Variants in LPCAT1 observed in about 807,000 individuals in gnomAD.
LPCAT1 encodes the protein lysophosphatidylcholine acyltransferase 1, also known as 1-acylglycerol-3-phosphate O-acyltransferase.
A neutral mutation model predicts 60.9 loss-of-function variants in LPCAT1; 23 were observed. That is an observed-to-expected ratio of 0.38 (90% CI 0.27 to 0.53). LPCAT1 has a LOEUF of 0.53. LPCAT1 is among the 20% of genes least tolerant of loss of function. The pLI is 0.82. For synonymous variants in LPCAT1, 340 were observed against 301.1 expected (o/e 1.13, Z -1.34); for missense variants, 622 against 723.6 (o/e 0.86, Z 1.61).
At position 1,487,301 on chromosome 5, in the gene LPCAT1, C is replaced by A. The variant is rs900740261; in HGVS notation, c.667+1090G>T. 6.6e-6 allele frequency among the ~76,000 whole-genome samples: 1 copy of A among 152,228 alleles called. No homozygotes were observed. The highest frequency in any genetic ancestry group is 1.9e-4 in the East Asian group (1 of 5,192). On this transcript the variant is annotated intron_variant, in intron 5 of 13. Coordinates refer to ENST00000283415, the MANE Select transcript of LPCAT1 (RefSeq NM_024830.5). The surrounding 1 kb of genome is among the most constrained non-coding windows in gnomAD (Gnocchi z 6.1). ...GTGGGGGCACACGGATTCGTGGTCA[C>A]CGCGTGCCGCCTCCACCCTCTGCAT... is the stretch of plus-strand genomic sequence containing the variant.
At chr5:1,484,091 A>G (rs1434496120) in intron 5 of LPCAT1, among the ~76,000 whole-genome samples, 1 of 152,220 alleles carries the variant, frequency 6.6e-6, no homozygotes, top group African/African-American at 2.4e-5. Flanking sequence ...CTCAGCTCCA[A>G]GGACGGGCGG....
rs1736677204 is a variant in LPCAT1 at position 1,521,555 on chromosome 5, G to C, written c.135+2155C>G. The C allele has an allele frequency of 1.2e-6, 1 of 846,430 alleles. No individual in the cohort carries two copies. The highest frequency in any genetic ancestry group is 1.8e-5 in the African/African-American group (1 of 54,292). 52.4% of individuals were successfully genotyped at this position (846,430 alleles called of 1,614,324 possible). On this transcript the variant is annotated intron_variant, in intron 1 of 13. Transcript: ENST00000283415. This position sits in a 1 kb window ranked among gnomAD's most constrained non-coding sequence, Gnocchi z 4.3. ...TGGTGAAAAGCAAAATGTTTCTGCA[G>C]AGAACTTTGAGAACGTTTACAAACT...
At chr5:1,479,086 T>C (rs1002937988) in intron 8 of LPCAT1, among the ~76,000 whole-genome samples, 6 of 152,238 alleles carry the variant, frequency 3.9e-5, no homozygotes, top group South Asian at 2.1e-4. Flanking sequence ...CCCATAATAA[T>C]GAATGGTAGG....
At chr5:1,511,088 C>T (rs762517071) in intron 1 of LPCAT1, among the ~76,000 whole-genome samples, 4 of 152,196 alleles carry the variant, frequency 2.6e-5, no homozygotes, top group East Asian at 1.9e-4. Context: ...GCCCCTAAGA[C>T]GGCACTGAAG....
chr5:1,463,978 C>T, intron 13 of LPCAT1, 143 bp from the exon 14 acceptor site: 1 of 842,944 alleles, frequency 1.2e-6, no homozygotes, highest in South Asian at 1.7e-5. Context: ...CGGATGCTTT[C>T]AGGGTGGAGA....
chr5:1,470,201 C>G (rs2126487101), intron 12 of LPCAT1, among the ~76,000 whole-genome samples: 1 of 152,366 alleles, frequency 6.6e-6, no homozygotes, highest in African/African-American at 2.4e-5. Context: ...AGCTCTATCC[C>G]AGATGAAATC....
intron 1 of LPCAT1, 28 bp from the exon 2 acceptor site, chr5:1,501,631 A>G (rs888904099): frequency 5.6e-6 from 9 of 1,612,186 alleles, no homozygotes; most frequent in South Asian, 3.3e-5. Context: ...CATTATCCAG[A>G]GAATCCATGT....
In LPCAT1 at chr5:1,481,952, A is replaced by C. The variant is rs945993242; in HGVS notation, c.727-976T>G. On this transcript the variant is annotated intron_variant, in intron 6 of 13. Transcript: ENST00000283415. The surrounding 1 kb of genome is among the most constrained non-coding windows in gnomAD (Gnocchi z 7.8). Reference sequence around the variant, plus strand: ...CGGATGGCCCAGAACCCTGGCACCCAGAGGTCACCTGTATTTCTGCCCCAC... The same window carrying C: ...CGGATGGCCCAGAACCCTGGCACCCCGAGGTCACCTGTATTTCTGCCCCAC... Among the ~76,000 whole-genome samples, 1 of 152,242 alleles carries C rather than the reference A, an allele frequency of 6.6e-6. No homozygotes were observed. The highest frequency in any genetic ancestry group is 2.4e-5 in the African/African-American group (1 of 41,474).
At position 1,477,587 on chromosome 5, in the gene LPCAT1, G is replaced by T; in HGVS notation, c.817-101C>A. 1 of 844,504 alleles carries T rather than the reference G, an allele frequency of 1.2e-6. No individual in the cohort carries two copies. Among genetic ancestry groups the T allele is most frequent in the Non-Finnish European group, 1.9e-6 (1 of 521,592 alleles). The allele number at this position is 844,504 out of a possible 1,614,324, so 52.3% of individuals were successfully genotyped here. On this transcript the variant is annotated intron_variant, in intron 8 of 13. Transcript: ENST00000283415. This position sits in a 1 kb window ranked among gnomAD's most constrained non-coding sequence, Gnocchi z 6.0. ...GCTGACAAAATTAAGATCTGTCAAA[G>T]TAACGCCCATTAGAACCGTCTTCAA...
chr5:1,474,028 C>A lies in LPCAT1; in HGVS notation c.1108G>T (p.Ala370Ser). Residue 370 changes from alanine (A) to serine (S), a missense_variant, in exon 11 of 14, where the codon GCG (alanine) becomes TCG (serine). Physicochemically the swap from Ala to Ser is moderately conservative, Grantham distance 99. This residue lies in a region of LPCAT1 where 288 missense variants were observed against 283.6 expected (regional missense o/e 1.02). Transcript: ENST00000283415. ...RMKGGEKIGI[A>S]EFAASLEVPV... is the part of the protein sequence containing the mutation. ...ACTTCCAGGGAGGCGGCAAACTCCGCAATACCTATCTTCTCTCCTCCCTTC... is the reference window on the plus strand; with the variant it reads ...ACTTCCAGGGAGGCGGCAAACTCCGAAATACCTATCTTCTCTCCTCCCTTC... 6.2e-7 allele frequency: 1 copy of A among 1,614,214 alleles called. No homozygotes were observed. The highest frequency in any genetic ancestry group is 8.5e-7 in the Non-Finnish European group (1 of 1,180,042).
At chr5:1,506,619 T>C (rs1350743102) in intron 1 of LPCAT1, among the ~76,000 whole-genome samples, 1 of 152,186 alleles carries the variant, frequency 6.6e-6, no homozygotes, top group Non-Finnish European at 1.5e-5. Flanking sequence ...CCCTCAGCAC[T>C]GGCAGGGGTG....
chr5:1,499,842 G>A (rs559709748), intron 2 of LPCAT1, among the ~76,000 whole-genome samples: 2 of 152,252 alleles, frequency 1.3e-5, no homozygotes, highest in African/African-American at 4.8e-5. Context: ...GTGGCCCTGG[G>A]TATCAAGGAG....
rs370010205 is a variant in LPCAT1, at chr5:1,502,069, T to C, written c.136-466A>G. 6.6e-6 allele frequency among the ~76,000 whole-genome samples: 1 copy of C among 152,240 alleles called. No homozygotes were observed. ...TGCCGACCAGCCCTCACCATGGCTG[T>C]GGACACTGGCCAGTGCTAACTGACA... On this transcript the variant is annotated intron_variant, in intron 1 of 13. Transcript: ENST00000283415. The surrounding 1 kb of genome is among the most constrained non-coding windows in gnomAD (Gnocchi z 5.5).
rs1001696995 is a variant in LPCAT1, at chr5:1,476,637, C to T, written c.899+767G>A. Reference sequence around the variant, plus strand: ...AGTGGCTCCTGCAGCTCAGGTCTGGCAGCCGCCCGGTGGAGGGGAGGCTCT... The same window carrying T: ...AGTGGCTCCTGCAGCTCAGGTCTGGTAGCCGCCCGGTGGAGGGGAGGCTCT... On this transcript the variant is annotated intron_variant, in intron 9 of 13. Transcript: ENST00000283415. This position sits in a 1 kb window ranked among gnomAD's most constrained non-coding sequence, Gnocchi z 8.6. Among the ~76,000 whole-genome samples the T allele has an allele frequency of 6.6e-6, 1 of 152,132 alleles. No homozygotes were observed. The highest frequency in any genetic ancestry group is 2.4e-5 in the African/African-American group (1 of 41,452).
At position 1,483,397 on chromosome 5, in the gene LPCAT1, T is replaced by TCCG; in HGVS notation, c.726+30_726+31insCGG. The TCCG allele has an allele frequency of 6.2e-7, 1 of 1,611,672 alleles. No homozygotes were observed. Among genetic ancestry groups the TCCG allele is most frequent in the Non-Finnish European group, 8.5e-7 (1 of 1,178,296 alleles). On this transcript the variant is annotated intron_variant, in intron 6 of 13. Transcript: ENST00000283415. The surrounding 1 kb of genome is among the most constrained non-coding windows in gnomAD (Gnocchi z 9.2). ...GTTCCCGTTTCCCGGAGAATTCCCC[T>TCCG]GGAAGCTGACCCCAAAAAAACACAA...
chr5:1,471,181 A>G (rs1191712481), intron 11 of LPCAT1, among the ~76,000 whole-genome samples: 1 of 152,210 alleles, frequency 6.6e-6, no homozygotes, highest in Non-Finnish European at 1.5e-5. Flanking sequence ...CACCTCAGCA[A>G]AGCACACGCG....
rs1736070680 is a variant in LPCAT1, at chr5:1,502,943, C to T, written c.136-1340G>A. Among the ~76,000 whole-genome samples, 1 of 152,126 alleles carries T rather than the reference C, an allele frequency of 6.6e-6. No homozygotes were observed. Among genetic ancestry groups the T allele is most frequent in the Non-Finnish European group, 1.5e-5 (1 of 68,020 alleles). ...ACAATTTAATATACAGCTCATTTCGCCCGGTATATCTGAAATACCATTTCG... is the reference window on the plus strand; with the variant it reads ...ACAATTTAATATACAGCTCATTTCGTCCGGTATATCTGAAATACCATTTCG... On this transcript the variant is annotated intron_variant, in intron 1 of 13. Transcript: ENST00000283415. The surrounding 1 kb of genome is among the most constrained non-coding windows in gnomAD (Gnocchi z 5.5).
Position 1,481,046 on chromosome 5 carries a change from T to G in LPCAT1, c.727-70A>C, listed in dbSNP as rs1318583131. On this transcript the variant is annotated intron_variant, in intron 6 of 13. Transcript: ENST00000283415. This position sits in a 1 kb window ranked among gnomAD's most constrained non-coding sequence, Gnocchi z 7.8. ...AGGGCCTGCACCAAGCACCTGCGTGTGCCGGCCTCTCCCTGCACCTCCCAC... is the reference window on the plus strand; with the variant it reads ...AGGGCCTGCACCAAGCACCTGCGTGGGCCGGCCTCTCCCTGCACCTCCCAC... 4 of 1,572,468 alleles carry G rather than the reference T, an allele frequency of 2.5e-6. No homozygotes were observed. The highest frequency in any genetic ancestry group is 2.7e-5 in the African/African-American group (2 of 73,994).
At chr5:1,475,486 G>A (rs1734865401) in intron 9 of LPCAT1, among the ~76,000 whole-genome samples, 1 of 152,210 alleles carries the variant, frequency 6.6e-6, no homozygotes, top group Admixed American at 6.5e-5. Flanking sequence ...CTCTCTCCAG[G>A]CCAGCACTGC....
Sources: gnomAD v4.1 joint callset for allele counts (sites outside exome capture counted in the v4.1 genomes callset) on GRCh38, gnomAD v4.1.1 for gene constraint, gnomAD v4.1.1 regional missense constraint, Gnocchi (gnomAD v3.1) non-coding constraint, MANE v1.5 for transcripts, NCBI Gene and HGNC (gene_info 2026-07-23, HGNC 2026-07-21) for gene names.